Variants in COL4A2 observed in about 807,000 individuals in gnomAD.
The protein encoded by COL4A2 is collagen type IV alpha 2 chain, also known as collagen alpha-2(IV) chain.
In COL4A2, 99 loss-of-function variants were observed where a neutral mutation model predicts 200.2. The ratio of observed to expected loss-of-function variants is 0.49; its 90% CI spans 0.42 to 0.58. The LOEUF is 0.58. COL4A2 is among the 20% of genes least tolerant of loss of function. The pLI is 0.00. For synonymous variants in COL4A2, 897 were observed against 900.6 expected, an observed-to-expected ratio of 1.00 and a Z score of 0.07; for missense variants, 1,950 against 2,314.1, an observed-to-expected ratio of 0.84 and a Z score of 3.23.
intron 4 of COL4A2, among the ~76,000 whole-genome samples, chr13:110,362,953 T>G (rs1370518351): frequency 6.6e-6 from 1 of 152,190 alleles, no homozygotes; most frequent in Non-Finnish European, 1.5e-5. Context: ...GACCATAAAC[T>G]CTGATCAGAT....
At chr13:110,359,464 T>G (rs1877426603) in intron 4 of COL4A2, among the ~76,000 whole-genome samples, 1 of 152,228 alleles carries the variant, frequency 6.6e-6, no homozygotes, top group African/African-American at 2.4e-5. Context: ...CACATGCTTG[T>G]CTACACCTTC....
At chr13:110,486,670 G>A (rs538448123) in intron 34 of COL4A2, among the ~76,000 whole-genome samples, 29 of 152,282 alleles carry the variant, frequency 1.9e-4, no homozygotes, top group Non-Finnish European at 3.5e-4. Flanking sequence ...TCACCTGGGT[G>A]CAGGCAGGCT....
intron 37 of COL4A2, among the ~76,000 whole-genome samples, chr13:110,491,546 G>A (rs1406963418): frequency 6.6e-6 from 1 of 152,236 alleles, no homozygotes; most frequent in African/African-American, 2.4e-5. Context: ...GAGAATTGGA[G>A]AGAAGCATGG....
chr13:110,440,782 CG>C (rs1299232217), intron 16 of COL4A2, among the ~76,000 whole-genome samples: 1 of 151,154 alleles, frequency 6.6e-6, no homozygotes, highest in East Asian at 1.9e-4. Context: ...ACGGCAGGCC[CG>C]GCAGGCTCCC....
chr13:110,326,853 C>T (rs1885428734), intron 3 of COL4A2, among the ~76,000 whole-genome samples: 1 of 152,240 alleles, frequency 6.6e-6, no homozygotes, highest in South Asian at 2.1e-4. Context: ...TTCCCAACAT[C>T]AGAGCAGTTC....
intron 29 of COL4A2, 177 bp downstream of exon 29, chr13:110,473,327 T>G (rs1285212888): frequency 1.8e-6 from 1 of 565,328 alleles, no homozygotes; most frequent in Non-Finnish European, 3.0e-6. Context: ...GTCACAACAC[T>G]GTGACTACCC....
rs775352130 is a variant in COL4A2, at chr13:110,445,858, G to A, written c.987G>A (p.Gly329=). Reference sequence around the variant, plus strand: ...GCCGAGGCCTGGATGGCTATCAAGGGCCTGATGGACCCCGGGGACCCAAGG... The same window carrying A: ...GCCGAGGCCTGGATGGCTATCAAGGACCTGATGGACCCCGGGGACCCAAGG... ...KGSRGLDGYQ[G]PDGPRGPKGE... Residue 329 remains glycine, a synonymous_variant, in exon 17 of 48, where the codon GGG becomes GGA. Transcript: ENST00000360467. The A allele has an allele frequency of 1.2e-6, 2 of 1,614,036 alleles. No individual in the cohort carries two copies. The highest frequency in any genetic ancestry group is 8.5e-7 in the Non-Finnish European group (1 of 1,180,024).
rs1348996546 is a variant in COL4A2 at position 110,387,164 on chromosome 13, G to A, written c.180+29612G>A. Among the ~76,000 whole-genome samples the A allele has an allele frequency of 7.9e-5, 12 of 152,064 alleles. 1 individual carries two copies. In the South Asian group the frequency reaches 8.3e-4, roughly 11 times the overall value. Reference sequence around the variant, plus strand: ...TAAGGCAAGAGAATCATTTGAACCCGGGAGGTGGAGGTTGCAGTGAGCCGA... The same window carrying A: ...TAAGGCAAGAGAATCATTTGAACCCAGGAGGTGGAGGTTGCAGTGAGCCGA... On this transcript the variant is annotated intron_variant, in intron 4 of 47. Coordinates refer to ENST00000360467, the MANE Select transcript of COL4A2 (RefSeq NM_001846.4).
At chr13:110,380,966 GGGCTCTATGTCACACCCACA>G (rs1594180447) in intron 4 of COL4A2, among the ~76,000 whole-genome samples, 1 of 145,138 alleles carries the variant, frequency 6.9e-6, no homozygotes, top group Middle Eastern at 4.2e-3. Flanking sequence ...TCACACCCAC[GGGCTCTATGTCACACCCACA>G]GGCTCTATGT....
In COL4A2 at chr13:110,491,302, C is replaced by G. The variant is rs906087740; in HGVS notation, c.3416C>G (p.Thr1139Ser). Residue 1139 changes from threonine to serine, a missense_variant, in exon 37 of 48, where the codon ACT becomes AGT. By Grantham distance (58) the Thr-to-Ser change is moderately conservative. Coordinates refer to ENST00000360467, the MANE Select transcript of COL4A2 (RefSeq NM_001846.4). ...GGCTTCCCTGGGATAACAGGCGTGACTGGAGTCCAAGGCCCTCCTGGACTT... is the reference window on the plus strand; with the variant it reads ...GGCTTCCCTGGGATAACAGGCGTGAGTGGAGTCCAAGGCCCTCCTGGACTT... ...DIGFPGITGV[T>S]GVQGPPGLKG... 1 of 1,597,556 alleles carries G rather than the reference C, an allele frequency of 6.3e-7. No individual in the cohort carries two copies. Among genetic ancestry groups the G allele is most frequent in the Non-Finnish European group, 8.5e-7 (1 of 1,171,062 alleles).
chr13:110,420,572 A>G (rs1880210167), intron 4 of COL4A2, among the ~76,000 whole-genome samples: 1 of 152,218 alleles, frequency 6.6e-6, no homozygotes, highest in African/African-American at 2.4e-5. Context: ...AGACATTTAA[A>G]CTAGACTCTT....
At chr13:110,340,811 G>T (rs1177364371) in intron 3 of COL4A2, 1 of 152,222 alleles carries the variant, frequency 6.6e-6, no homozygotes, top group Non-Finnish European at 1.5e-5. Context: ...GGCTCTGCAT[G>T]TGTGAGTGTG....
intron 6 of COL4A2, among the ~76,000 whole-genome samples, chr13:110,427,112 ATATG>A (rs1880497026): frequency 1.3e-5 from 2 of 152,178 alleles, no homozygotes; most frequent in South Asian, 4.1e-4. Flanking sequence ...ACGGAGAACT[ATATG>A]TAGGATTTGT....
intron 4 of COL4A2, among the ~76,000 whole-genome samples, chr13:110,368,826 C>G (rs771761829): frequency 8.8e-6 from 1 of 114,258 alleles, no homozygotes; most frequent in Non-Finnish European, 1.7e-5. Context: ...TTCTAATTCA[C>G]AATCAACTAA....
At chr13:110,336,087 G>T (rs1252428991) in intron 3 of COL4A2, among the ~76,000 whole-genome samples, 1 of 152,188 alleles carries the variant, frequency 6.6e-6, no homozygotes, top group Non-Finnish European at 1.5e-5. Context: ...TTGCCTCTAT[G>T]TATCTTCTTG....
At chr13:110,438,284 G>C (rs990676381) in intron 14 of COL4A2, among the ~76,000 whole-genome samples, 8 of 152,388 alleles carry the variant, frequency 5.2e-5, no homozygotes, top group African/African-American at 1.7e-4. Context: ...AGGGAGCATG[G>C]AGATGGCGGA....
At chr13:110,427,110 C>A (rs1299138222) in intron 6 of COL4A2, among the ~76,000 whole-genome samples, 1 of 152,158 alleles carries the variant, frequency 6.6e-6, no homozygotes, top group Non-Finnish European at 1.5e-5. Flanking sequence ...TTACGGAGAA[C>A]TATATGTAGG....
chr13:110,431,909 A>T (rs1167539157), intron 10 of COL4A2, among the ~76,000 whole-genome samples: 1 of 152,186 alleles, frequency 6.6e-6, no homozygotes, highest in Non-Finnish European at 1.5e-5. Context: ...CAGCTTGTAG[A>T]TTCATTCTGT....
chr13:110,505,228 T>C (rs1883815791), intron 45 of COL4A2, among the ~76,000 whole-genome samples: 2 of 151,870 alleles, frequency 1.3e-5, no homozygotes, highest in African/African-American at 4.8e-5. Context: ...CGGGCGCCAG[T>C]AGTCCCAGCT....
Sources: allele counts gnomAD v4.1 joint callset (sites outside exome capture counted in the v4.1 genomes callset), GRCh38; gene constraint gnomAD v4.1.1; transcripts MANE v1.5; gene names NCBI Gene and HGNC (gene_info 2026-07-23, HGNC 2026-07-21).